Variants in PTER observed in about 807,000 individuals in gnomAD.
The protein encoded by PTER is phosphotriesterase related.
Under a neutral mutation model 29.6 loss-of-function variants are expected in PTER, and 38 were observed. The ratio of observed to expected loss-of-function variants is 1.28; its 90% CI spans 0.99 to 1.68. The LOEUF is 1.68. Among genes scored for constraint, PTER ranks in the 40% most tolerant of loss-of-function variants. The pLI, the probability that PTER is intolerant of heterozygous loss-of-function variation, is 0.00. For synonymous variants in PTER, 172 were observed against 154.5 expected (o/e 1.11, Z -0.84); for missense variants, 482 against 427.8 (o/e 1.13, Z -1.12).
At chr10:16,443,815 AC>A (rs1034261618) in intron 1 of PTER, among the ~76,000 whole-genome samples, 9 of 152,166 alleles carry the variant, frequency 5.9e-5, no homozygotes, top group Non-Finnish European at 1.2e-4. Context: ...CCATGTACTT[AC>A]GTGTACCATC....
At chr10:16,456,020 G>C (rs569549422) in intron 1 of PTER, among the ~76,000 whole-genome samples, 2 of 152,258 alleles carry the variant, frequency 1.3e-5, no homozygotes, top group East Asian at 3.9e-4. Context: ...CAGGGAAAAT[G>C]AACAACCATC....
intron 4 of PTER, among the ~76,000 whole-genome samples, chr10:16,510,482 C>A (rs943113475): frequency 2.6e-5 from 4 of 152,200 alleles, no homozygotes; most frequent in African/African-American, 9.7e-5. Flanking sequence ...TGCTGACCAA[C>A]CTTTTTTCAG....
At chr10:16,461,519 G>T (rs1201552019) in intron 1 of PTER, among the ~76,000 whole-genome samples, 2 of 152,024 alleles carry the variant, frequency 1.3e-5, no homozygotes, top group Non-Finnish European at 2.9e-5. Flanking sequence ...ATTTGCCCTT[G>T]ACCCCATTGT....
chr10:16,518,714 T>C (rs12217793), downstream of PTER, among the ~76,000 whole-genome samples: 13,126 of 152,188 alleles, frequency 0.086, 652 homozygotes, highest in East Asian at 0.23. Flanking sequence ...GCTGATAAAA[T>C]TGGAATCATT....
chr10:16,517,840 T>C (rs1033276078), downstream of PTER, among the ~76,000 whole-genome samples: 1 of 152,222 alleles, frequency 6.6e-6, no homozygotes, highest in East Asian at 1.9e-4. Flanking sequence ...TCATTGTACT[T>C]CTGTGGAATC....
At chr10:16,457,276 G>T (rs1365321689) in intron 1 of PTER, among the ~76,000 whole-genome samples, 1 of 152,012 alleles carries the variant, frequency 6.6e-6, no homozygotes. Context: ...GCAGTGGCGC[G>T]ATCTCGGCTC....
rs79533201 is a variant in PTER, at chr10:16,450,854, T to A, written c.-49+13807T>A. ...ATTATGTACAGAGTCACTAAACCCCTTGCCCCTCATGAGTGGTGAATCAGG... is the reference window on the plus strand; with the variant it reads ...ATTATGTACAGAGTCACTAAACCCCATGCCCCTCATGAGTGGTGAATCAGG... On this transcript the variant is annotated intron_variant, in intron 1 of 4. Transcript: ENST00000535784. Among the ~76,000 whole-genome samples, 1,194 of 152,330 alleles carry A rather than the reference T, an allele frequency of 7.8e-3. 16 individuals carry two copies. The highest frequency in any genetic ancestry group is 0.027 in the African/African-American group (1,135 of 41,572).
intron 3 of PTER, among the ~76,000 whole-genome samples, chr10:16,499,086 T>G (rs1476274038): frequency 6.6e-6 from 1 of 152,160 alleles, no homozygotes; most frequent in African/African-American, 2.4e-5. Flanking sequence ...TTGGGTTTGT[T>G]TGAAGCTCTT....
intron 2 of PTER, 74 bp downstream of exon 2, chr10:16,484,890 T>C (rs1835634150): frequency 1.4e-6 from 2 of 1,458,814 alleles, no homozygotes; most frequent in Non-Finnish European, 1.8e-6. Context: ...ATGCCCTGGG[T>C]TCAGAGGTAG....
At chr10:16,452,292 A>G (rs1834241579) in intron 1 of PTER, among the ~76,000 whole-genome samples, 1 of 117,496 alleles carries the variant, frequency 8.5e-6, no homozygotes, top group South Asian at 3.5e-4. Flanking sequence ...CAGATTATTG[A>G]CTTTTTTTGT....
intron 4 of PTER, among the ~76,000 whole-genome samples, chr10:16,508,499 C>T (rs1836682055): frequency 6.6e-6 from 1 of 152,056 alleles, no homozygotes; most frequent in Non-Finnish European, 1.5e-5. Flanking sequence ...GCTCCCAGAC[C>T]TTCTAGAACA....
intron 1 of PTER, among the ~76,000 whole-genome samples, 170 bp from the exon 2 acceptor site, chr10:16,484,167 A>G (rs1488465017): frequency 6.6e-6 from 1 of 152,154 alleles, no homozygotes; most frequent in African/African-American, 2.4e-5. Flanking sequence ...TTAGATCTGC[A>G]GTGGGGATAG....
intron 1 of PTER, among the ~76,000 whole-genome samples, chr10:16,453,157 T>G (rs1160919993): frequency 1.3e-5 from 2 of 152,138 alleles, no homozygotes; most frequent in Non-Finnish European, 2.9e-5. Context: ...CTCAAGTGAT[T>G]CTTCGGCCTC....
chr10:16,474,291 C>CT (rs1471466552), intron 1 of PTER, among the ~76,000 whole-genome samples: 2 of 152,132 alleles, frequency 1.3e-5, no homozygotes, highest in Non-Finnish European at 2.9e-5. Context: ...TTTTGCAAAA[C>CT]TTTTTTCATC....
intron 3 of PTER, among the ~76,000 whole-genome samples, chr10:16,491,428 A>G (rs910627943): frequency 6.6e-6 from 1 of 152,208 alleles, no homozygotes; most frequent in Non-Finnish European, 1.5e-5. Flanking sequence ...TCAGCCTCTC[A>G]CAGACTCTCT....
At chr10:16,507,201 C>CATATATATATATATATATATATATATAT (rs55959560) in intron 4 of PTER, among the ~76,000 whole-genome samples, 23 of 140,424 alleles carry the variant, frequency 1.6e-4, no homozygotes, top group African/African-American at 5.6e-4. Flanking sequence ...GTGGGTGGAG[C>CATATATATATATATATATATATATATAT]ATATATATAT....
At chr10:16,460,906 G>A (rs984986353) in intron 1 of PTER, among the ~76,000 whole-genome samples, 3 of 152,068 alleles carry the variant, frequency 2.0e-5, no homozygotes, top group African/African-American at 4.8e-5. Flanking sequence ...TGATAGAGAC[G>A]GGGTTTCACC....
chr10:16,490,579 G>A (rs927170852), intron 3 of PTER, among the ~76,000 whole-genome samples: 9 of 151,796 alleles, frequency 5.9e-5, no homozygotes, highest in East Asian at 1.9e-4. Context: ...CCGCGAGCAA[G>A]TAAGTGTTAC....
chr10:16,494,308 C>T (rs1238139781), intron 3 of PTER, among the ~76,000 whole-genome samples: 1 of 152,154 alleles, frequency 6.6e-6, no homozygotes, highest in Non-Finnish European at 1.5e-5. Flanking sequence ...TTCTCTCTTG[C>T]AGCCATCTGT....
Sources: gnomAD v4.1 joint callset for allele counts (sites outside exome capture counted in the v4.1 genomes callset) on GRCh38, gnomAD v4.1.1 for gene constraint, MANE v1.5 for transcripts, NCBI Gene and HGNC (gene_info 2026-07-23, HGNC 2026-07-21) for gene names.